The following SFI1 variants were observed in gnomAD, a reference collection of about 807,000 sequenced individuals.
SFI1 encodes the protein protein SFI1 homolog.
A neutral mutation model predicts 207.5 loss-of-function variants in SFI1; 195 were observed. The ratio of observed to expected loss-of-function variants is 0.94; its 90% CI spans 0.84 to 1.06. The LOEUF (loss-of-function observed/expected upper bound fraction) is 1.06, where lower values mean the gene tolerates loss of function less well. Among genes scored for constraint, SFI1 ranks in the 50% least tolerant of loss-of-function variants. The probability of loss-of-function intolerance (pLI) is 0.00; values close to 1 mark genes in which losing one functional copy is unlikely to be tolerated. For missense variants in SFI1, 1,634 were observed against 1,588.0 expected, an observed-to-expected ratio of 1.03 and a Z score of -0.49; for synonymous variants, 630 against 598.9, an observed-to-expected ratio of 1.05 and a Z score of -0.76.
Position 31,615,119 on chromosome 22 carries a change from T to G in SFI1, c.3140T>G (p.Leu1047Arg). The G allele has an allele frequency of 6.2e-7, 1 of 1,608,492 alleles. No homozygotes were observed. The highest frequency in any genetic ancestry group is 8.5e-7 in the Non-Finnish European group (1 of 1,177,728). ...GCCCCCTCCCTGACGCGGCCCTTCC[T>G]GGCAGAGGCCCCGACAGCACTGGTC... Reference protein sequence around the residue: ...PAAPSLTRPFLAEAPTALVPH... With the variant: ...PAAPSLTRPFRAEAPTALVPH... The change falls in exon 29 of 33, where the codon CTG (leucine) becomes CGG (arginine). Residue 1047 changes from leucine (L) to arginine (R), a missense_variant. Leu to Arg is a moderately radical substitution (Grantham distance 102, BLOSUM62 -2). Coordinates refer to ENST00000400288, the MANE Select transcript of SFI1 (RefSeq NM_001007467.3).
chr22:31,517,807 G>C (rs2056732551), intron 2 of SFI1, among the ~76,000 whole-genome samples: 1 of 152,040 alleles, frequency 6.6e-6, no homozygotes. Flanking sequence ...ATTTGTTTCT[G>C]CTATACAAAA....
At chr22:31,567,291 A>G (rs968636240) in intron 8 of SFI1, among the ~76,000 whole-genome samples, 1 of 152,182 alleles carries the variant, frequency 6.6e-6, no homozygotes, top group Non-Finnish European at 1.5e-5. Context: ...TCATCTTTGA[A>G]TTTGATATAT....
At chr22:31,580,542 C>CTTTTTTTTTTTTTTTTTT (rs11347645) in intron 12 of SFI1, among the ~76,000 whole-genome samples, 178 bp downstream of exon 12, 35 of 117,256 alleles carry the variant, frequency 3.0e-4, no homozygotes, top group Non-Finnish European at 3.3e-4. Flanking sequence ...CTTTTCTTTT[C>CTTTTTTTTTTTTTTTTTT]TTTTTTTTTT....
intron 4 of SFI1, among the ~76,000 whole-genome samples, chr22:31,545,644 C>G (rs1032701125): frequency 6.6e-6 from 1 of 151,374 alleles, no homozygotes; most frequent in South Asian, 2.1e-4. Flanking sequence ...TGCAGTGGCT[C>G]GATCTCGGCT....
chr22:31,504,324 G>C (rs2054290491), intron 1 of SFI1, among the ~76,000 whole-genome samples: 1 of 152,278 alleles, frequency 6.6e-6, no homozygotes, highest in Admixed American at 6.6e-5. Context: ...TACTTGGAGT[G>C]TAGTATCAGA....
At chr22:31,568,186 TG>T in intron 8 of SFI1, among the ~76,000 whole-genome samples, 1 of 113,898 alleles carries the variant, frequency 8.8e-6, no homozygotes, top group South Asian at 3.0e-4. Context: ...TGTGTGTGTG[TG>T]TGTGTGTTGT....
chr22:31,591,220 C>T (rs1216275634), intron 15 of SFI1, among the ~76,000 whole-genome samples: 1 of 152,180 alleles, frequency 6.6e-6, no homozygotes, highest in East Asian at 1.9e-4. Flanking sequence ...ACATCTTGCA[C>T]CGCCCTTGAT....
intron 14 of SFI1, chr22:31,587,254 G>C (rs936259614): frequency 3.6e-6 from 1 of 279,622 alleles, no homozygotes; most frequent in African/African-American, 2.1e-5. Context: ...GAGTAATCTA[G>C]AGATGCATAC....
chr22:31,530,489 CAAAAA>C (rs3069094), intron 3 of SFI1: 129 of 113,904 alleles, frequency 1.1e-3, no homozygotes, highest in East Asian at 4.9e-3. Flanking sequence ...AACTCTGTCT[CAAAAA>C]AAAAAAAAAA....
At chr22:31,515,741 T>A (rs1273892515) in intron 2 of SFI1, among the ~76,000 whole-genome samples, 1 of 150,486 alleles carries the variant, frequency 6.6e-6, no homozygotes, top group Non-Finnish European at 1.5e-5. Context: ...ACCTTTTTTT[T>A]TTTTTTCTTT....
chr22:31,503,621 CTT>C (rs1015586549), intron 1 of SFI1, among the ~76,000 whole-genome samples: 1 of 120,430 alleles, frequency 8.3e-6, no homozygotes, highest in Non-Finnish European at 1.6e-5. Flanking sequence ...GAGTTTCGCT[CTT>C]GTTGCCCAGG....
At chr22:31,572,898 C>T in intron 8 of SFI1, 160 bp from the exon 9 acceptor site, 1 of 625,034 alleles carries the variant, frequency 1.6e-6, no homozygotes, top group Non-Finnish European at 2.8e-6. Context: ...CCCTTTTACC[C>T]CACGGTCCCA....
At chr22:31,514,656 T>C (rs1192873155) in intron 2 of SFI1, among the ~76,000 whole-genome samples, 1 of 152,184 alleles carries the variant, frequency 6.6e-6, no homozygotes, top group Admixed American at 6.5e-5. Flanking sequence ...TCAATTATTT[T>C]AGATTCCACA....
chr22:31,497,086 A>C (rs2146220220), intron 1 of SFI1, among the ~76,000 whole-genome samples: 1 of 152,306 alleles, frequency 6.6e-6, no homozygotes, highest in South Asian at 2.1e-4. Flanking sequence ...GTAACGCAGT[A>C]AACAAACCTG....
chr22:31,606,022 T>C lies in SFI1; in HGVS notation c.2055-306T>C, dbSNP rs149589310. 6.0e-4 allele frequency: 207 copies of C among 342,356 alleles called. 1 individual carries two copies. The highest frequency in any genetic ancestry group is 4.0e-3 in the African/African-American group (195 of 48,564). The allele number at this position is 342,356 out of a possible 1,614,324, so 21.2% of individuals were successfully genotyped here. On this transcript the variant is annotated intron_variant, in intron 20 of 32. Transcript: ENST00000400288. ...TCCCTGTCTCTCCACACTTCTCTTA[T>C]CACAGTGTGAGTCACCTGTGTTGCC...
At chr22:31,580,091 G>T (rs1195937346) in intron 11 of SFI1, 181 bp from the exon 12 acceptor site, 3 of 568,474 alleles carry the variant, frequency 5.3e-6, no homozygotes, top group Admixed American at 3.2e-5. Context: ...AGGCTGGCTT[G>T]TGTTAGGCTC....
chr22:31,565,802 G>T (rs1177091292), intron 8 of SFI1, among the ~76,000 whole-genome samples: 1 of 151,966 alleles, frequency 6.6e-6, no homozygotes, highest in Non-Finnish European at 1.5e-5. Context: ...TAGTGCAACG[G>T]TATATTTTTG....
At chr22:31,583,809 G>C (rs1488290897) in intron 12 of SFI1, 66 bp from the exon 13 acceptor site, 2 of 1,397,602 alleles carry the variant, frequency 1.4e-6, no homozygotes, top group African/African-American at 2.8e-5. Flanking sequence ...CAGTCTGTTG[G>C]AGTAAGGATT....
At chr22:31,542,479 T>C (rs555513090) in intron 4 of SFI1, among the ~76,000 whole-genome samples, 3 of 151,730 alleles carry the variant, frequency 2.0e-5, no homozygotes, top group African/African-American at 7.2e-5. Flanking sequence ...AATACAAAAA[T>C]TAGCTGGGCA....
Sources: allele counts gnomAD v4.1 joint callset (sites outside exome capture counted in the v4.1 genomes callset), GRCh38; gene constraint gnomAD v4.1.1; transcripts MANE v1.5; gene names NCBI Gene and HGNC (gene_info 2026-07-23, HGNC 2026-07-21).